The following RASA3 variants were observed in gnomAD, a reference collection of about 807,000 sequenced individuals.
RASA3 encodes ras GTPase-activating protein 3.
A neutral mutation model predicts 110.0 loss-of-function variants in RASA3; 73 were observed. The observed-to-expected ratio is 0.66, with a 90% CI of 0.55 to 0.81. The LOEUF (loss-of-function observed/expected upper bound fraction) is 0.81. Among genes scored for constraint, RASA3 ranks in the 30% least tolerant of loss-of-function variants. The pLI, the probability that RASA3 is intolerant of heterozygous loss-of-function variation, is 0.00. For missense variants in RASA3, 976 were observed against 1,113.2 expected, an observed-to-expected ratio of 0.88 and a Z score of 1.75; for synonymous variants, 500 against 451.4, an observed-to-expected ratio of 1.11 and a Z score of -1.37.
intron 1 of RASA3, among the ~76,000 whole-genome samples, chr13:114,130,200 G>T (rs1404950849): frequency 1.3e-5 from 2 of 152,196 alleles, no homozygotes; most frequent in Non-Finnish European, 2.9e-5. Flanking sequence ...AATGCAGGAG[G>T]TGCCCTGTCT....
At chr13:114,027,978 G>A (rs781187323) in intron 5 of RASA3, 51 bp from the exon 6 acceptor site, 17 of 1,479,298 alleles carry the variant, frequency 1.1e-5, no homozygotes, top group Admixed American at 8.7e-5. Flanking sequence ...ACACCTGGGC[G>A]AATGGCGAGA....
At chr13:113,982,414 A>G (rs989103347) in intron 22 of RASA3, among the ~76,000 whole-genome samples, 1 of 152,238 alleles carries the variant, frequency 6.6e-6, no homozygotes, top group Non-Finnish European at 1.5e-5. Context: ...CAGCTTCTAA[A>G]GACCACTGCC....
intron 10 of RASA3, 30 bp from the exon 11 acceptor site, chr13:114,018,282 G>A: frequency 2.6e-6 from 4 of 1,540,880 alleles, no homozygotes; most frequent in Non-Finnish European, 3.5e-6. Context: ...CAGTGCCAGG[G>A]CCCGGGGTGC....
intron 2 of RASA3, among the ~76,000 whole-genome samples, chr13:114,062,015 G>A (rs975495933): frequency 1.3e-5 from 2 of 152,100 alleles, no homozygotes; most frequent in Non-Finnish European, 2.9e-5. Flanking sequence ...AAAAGGCGGG[G>A]GTCGGACTGA....
In RASA3 at chr13:114,011,112, C is replaced by A; in HGVS notation, c.1590+59G>T. The A allele has an allele frequency of 1.4e-6, 2 of 1,457,872 alleles. No individual in the cohort carries two copies. Among genetic ancestry groups the A allele is most frequent in the Middle Eastern group, 1.7e-4 (1 of 5,760 alleles). The allele number at this position is 1,457,872 out of a possible 1,614,324, so 90.3% of individuals were successfully genotyped here. On this transcript the variant is annotated intron_variant, in intron 16 of 23. Transcript: ENST00000334062. This position sits in a 1 kb window ranked among gnomAD's most constrained non-coding sequence, Gnocchi z 4.8. ...GTGGGAGGTTTTTCACGTGTATTTT[C>A]TGAAGAGAGAAAAGAATCAGTTGTC...
chr13:114,059,511 CG>C (rs1365552024), intron 2 of RASA3, among the ~76,000 whole-genome samples: 1 of 152,256 alleles, frequency 6.6e-6, no homozygotes, highest in Non-Finnish European at 1.5e-5. Context: ...GGGACGTCCA[CG>C]TTTCAACGCT....
In RASA3 at chr13:114,114,030, G is replaced by A. The variant is rs1487593414; in HGVS notation, c.55+18405C>T. On this transcript the variant is annotated intron_variant, in intron 1 of 23. Coordinates refer to ENST00000334062, the MANE Select transcript of RASA3 (RefSeq NM_007368.4). The surrounding 1 kb of genome is among the most constrained non-coding windows in gnomAD (Gnocchi z 4.8). ...CGTCCATCAGTCCACCCACCATGGCGAGTGATGTCCGTATAGCTCACACCG... is the reference window on the plus strand; with the variant it reads ...CGTCCATCAGTCCACCCACCATGGCAAGTGATGTCCGTATAGCTCACACCG... Among the ~76,000 whole-genome samples the A allele has an allele frequency of 1.3e-5, 2 of 151,494 alleles. No homozygotes were observed. The highest frequency in any genetic ancestry group is 2.1e-4 in the South Asian group (1 of 4,806).
chr13:113,995,701 C>T (rs1340950542), intron 21 of RASA3, among the ~76,000 whole-genome samples: 6 of 81,266 alleles, frequency 7.4e-5, no homozygotes, highest in African/African-American at 3.0e-4. Flanking sequence ...TGATGGGGGG[C>T]TGGCTGACGG....
chr13:114,081,382 C>G (rs1043081332), intron 1 of RASA3, among the ~76,000 whole-genome samples: 1 of 152,226 alleles, frequency 6.6e-6, no homozygotes, highest in African/African-American at 2.4e-5. Context: ...ACTCTCAAGG[C>G]GCGGGGGCCG....
intron 15 of RASA3, 119 bp downstream of exon 15, chr13:114,013,023 C>T: frequency 1.3e-6 from 1 of 750,340 alleles, no homozygotes. Context: ...ATTCCTCACA[C>T]ACTCCCCACG....
rs904786497 is a variant in RASA3, at chr13:114,011,449, G to A, written c.1513-201C>T. ...TCTCAGGAGCTGCTGAGACCATCCC[G>A]CAGGCAACATCCGACGGCACCGCGG... On this transcript the variant is annotated intron_variant, in intron 15 of 23. Coordinates refer to ENST00000334062, the MANE Select transcript of RASA3 (RefSeq NM_007368.4). This position sits in a 1 kb window ranked among gnomAD's most constrained non-coding sequence, Gnocchi z 4.8. Among the ~76,000 whole-genome samples the A allele has an allele frequency of 2.0e-4, 30 of 152,102 alleles. No individual in the cohort carries two copies. Among genetic ancestry groups the A allele is most frequent in the African/African-American group, 7.0e-4 (29 of 41,406 alleles).
In RASA3 at chr13:114,018,995, G is replaced by T. The variant is rs964543093; in HGVS notation, c.786-76C>A. The T allele has an allele frequency of 2.6e-6, 4 of 1,568,118 alleles. No homozygotes were observed. The African/African-American group carries it at 4.0e-5, about 16-fold the overall frequency. ...GAGCAGCTCTCAGGGAAGCCCAGCT[G>T]CCTGCTTGAGGTCGACTGGTCAGGA... On this transcript the variant is annotated intron_variant, in intron 9 of 23. Coordinates refer to ENST00000334062, the MANE Select transcript of RASA3 (RefSeq NM_007368.4).
At chr13:114,018,070 G>C (rs1566485539) in intron 11 of RASA3, 34 bp downstream of exon 11, 1 of 1,481,920 alleles carries the variant, frequency 6.7e-7, no homozygotes, top group Non-Finnish European at 9.0e-7. Flanking sequence ...AGCGGGTCCA[G>C]GCCGCTCTCC....
chr13:114,037,925 G>A (rs117752527), intron 4 of RASA3, among the ~76,000 whole-genome samples: 1 of 151,912 alleles, frequency 6.6e-6, no homozygotes, highest in East Asian at 1.9e-4. Context: ...GGGGAGCCGG[G>A]AGAAGGGAGC....
intron 9 of RASA3, among the ~76,000 whole-genome samples, chr13:114,019,744 C>T (rs1314495094): frequency 2.7e-5 from 4 of 147,062 alleles, no homozygotes; most frequent in African/African-American, 7.6e-5. Context: ...GAGACATTGG[C>T]GCCCCCGTCA....
rs897527976 is a variant in RASA3 at position 114,127,451 on chromosome 13, C to T, written c.55+4984G>A. Among the ~76,000 whole-genome samples the T allele has an allele frequency of 3.3e-5, 5 of 152,344 alleles. No homozygotes were observed. The South Asian group carries it at 1.0e-3, about 32-fold the overall frequency. On this transcript the variant is annotated intron_variant, in intron 1 of 23. Coordinates refer to ENST00000334062, the MANE Select transcript of RASA3 (RefSeq NM_007368.4). ...TCCCAGCACACCCTGTGTCTTGGGC[C>T]TCCCAGGCCACTGTCCACCCACACA...
At chr13:113,997,272 T>G (rs2053277990) in intron 20 of RASA3, among the ~76,000 whole-genome samples, 1 of 152,080 alleles carries the variant, frequency 6.6e-6, no homozygotes, top group Non-Finnish European at 1.5e-5. Context: ...AGCAACAACC[T>G]TTACCATTTA....
At chr13:114,083,662 A>C (rs9525395) in intron 1 of RASA3, among the ~76,000 whole-genome samples, 60 of 59,348 alleles carry the variant, frequency 1.0e-3, no homozygotes, top group Non-Finnish European at 1.7e-3. Context: ...CGGGGAAATC[A>C]CGGGGAAGTG....
At chr13:114,004,736 C>T (rs2053477086) in intron 18 of RASA3, among the ~76,000 whole-genome samples, 1 of 152,112 alleles carries the variant, frequency 6.6e-6, no homozygotes, top group African/African-American at 2.4e-5. Flanking sequence ...TCTCAAGAAG[C>T]TAAAGGCAGA....
Sources: allele counts gnomAD v4.1 joint callset (sites outside exome capture counted in the v4.1 genomes callset), GRCh38; gene constraint gnomAD v4.1.1; non-coding constraint Gnocchi (gnomAD v3.1); transcripts MANE v1.5; gene names NCBI Gene and HGNC (gene_info 2026-07-23, HGNC 2026-07-21).